AFF1: variants seen among roughly 807,000 people sequenced by gnomAD.
AFF1 encodes the protein AF4/FMR2 family member 1.
Under a neutral mutation model 121.7 loss-of-function variants are expected in AFF1, and 48 were observed. That is an observed-to-expected ratio of 0.39 (90% CI 0.31 to 0.50). The LOEUF is 0.50. Among genes scored for constraint, AFF1 ranks in the 20% least tolerant of loss-of-function variants. The pLI is 0.76. For synonymous variants in AFF1, 613 were observed against 563.0 expected (o/e 1.09, Z -1.26); for missense variants, 1,523 against 1,511.7 (o/e 1.01, Z -0.12).
intron 2 of AFF1, among the ~76,000 whole-genome samples, chr4:87,002,740 C>G (rs1725824487): frequency 6.6e-6 from 1 of 152,100 alleles, no homozygotes; most frequent in African/African-American, 2.4e-5. Flanking sequence ...GATTTTACTC[C>G]TTATTTGTAG....
chr4:87,075,246 T>A (rs1040308276), intron 4 of AFF1, among the ~76,000 whole-genome samples: 1 of 152,136 alleles, frequency 6.6e-6, no homozygotes, highest in African/African-American at 2.4e-5. Flanking sequence ...TTTAGCTTGT[T>A]TTTGCTTTAG....
At chr4:87,022,580 ATATCTATC>A (rs1194224274) in intron 2 of AFF1, among the ~76,000 whole-genome samples, 3 of 89,314 alleles carry the variant, frequency 3.4e-5, no homozygotes, top group African/African-American at 1.6e-4. Context: ...ATATATATAT[ATATCTATC>A]TATATCTATC....
intron 2 of AFF1, among the ~76,000 whole-genome samples, chr4:87,034,483 AT>A (rs1156851981): frequency 1.3e-5 from 2 of 152,168 alleles, no homozygotes; most frequent in African/African-American, 2.4e-5. Flanking sequence ...GCATGGAGAG[AT>A]TTGTTTATTG....
intron 4 of AFF1, among the ~76,000 whole-genome samples, chr4:87,067,218 C>T (rs1036872438): frequency 1.3e-5 from 2 of 152,118 alleles, no homozygotes; most frequent in South Asian, 2.1e-4. Flanking sequence ...ATAAAAATAA[C>T]ATCTGCATTT....
At chr4:87,007,282 A>T in intron 2 of AFF1, 23 of 1,560,016 alleles carry the variant, frequency 1.5e-5, no homozygotes, top group Non-Finnish European at 2.0e-5. Flanking sequence ...GTCCCGTAAC[A>T]TCGGGGCGCC....
intron 2 of AFF1, among the ~76,000 whole-genome samples, chr4:87,013,335 C>T (rs1006192283): frequency 4.6e-5 from 7 of 152,052 alleles, no homozygotes; most frequent in African/African-American, 1.2e-4. Context: ...CCACCCTGTC[C>T]GGCTGAACTG....
intron 2 of AFF1, among the ~76,000 whole-genome samples, chr4:87,022,778 A>G (rs1367275408): frequency 6.6e-6 from 1 of 150,786 alleles, no homozygotes; most frequent in Non-Finnish European, 1.5e-5. Context: ...GTGTGTATAT[A>G]TATACATATC....
intron 17 of AFF1, among the ~76,000 whole-genome samples, chr4:87,131,434 G>A (rs920309258): frequency 3.9e-5 from 6 of 152,214 alleles, no homozygotes; most frequent in African/African-American, 9.7e-5. Context: ...TGCTAAGTGC[G>A]CCAAGAAGTG....
At chr4:87,089,062 A>G (rs1034993323) in intron 5 of AFF1, among the ~76,000 whole-genome samples, 4 of 152,136 alleles carry the variant, frequency 2.6e-5, no homozygotes, top group Non-Finnish European at 5.9e-5. Context: ...GTATTAAGCC[A>G]GTTTGCCGGG....
intron 2 of AFF1, among the ~76,000 whole-genome samples, chr4:86,965,643 T>C (rs908566731): frequency 1.3e-5 from 2 of 152,248 alleles, no homozygotes; most frequent in African/African-American, 4.8e-5. Context: ...ATTATTAGGC[T>C]AATGGGCATT....
chr4:87,114,885 T>G lies in AFF1; in HGVS notation c.2052T>G (p.Pro684=). The G allele has an allele frequency of 6.2e-7, 1 of 1,613,274 alleles. No individual in the cohort carries two copies. Among genetic ancestry groups the G allele is most frequent in the Non-Finnish European group, 8.5e-7 (1 of 1,179,718 alleles). Residue 684 remains proline, a synonymous_variant, in exon 12 of 21, where the codon CCT becomes CCG. Transcript: ENST00000395146. ...SEKKKHKSSL[P]APSKALSGPE... ...AGAAGAAGCACAAGAGCTCCCTCCC[T>G]GCCCCCTCTAAGGCTCTCTCAGGCC...
intron 19 of AFF1, among the ~76,000 whole-genome samples, chr4:87,134,156 A>G (rs950708661): frequency 6.6e-6 from 1 of 152,242 alleles, no homozygotes; most frequent in Admixed American, 6.5e-5. Flanking sequence ...AGTGGATGAA[A>G]GGATGAAATA....
intron 2 of AFF1, among the ~76,000 whole-genome samples, chr4:87,020,062 CT>C (rs1727745087): frequency 1.3e-5 from 2 of 152,200 alleles, no homozygotes; most frequent in African/African-American, 4.8e-5. Flanking sequence ...AAAACAGCAC[CT>C]TTTTCTCAAG....
chr4:87,028,449 G>C (rs1403397531), intron 2 of AFF1, among the ~76,000 whole-genome samples: 1 of 152,068 alleles, frequency 6.6e-6, no homozygotes, highest in East Asian at 1.9e-4. Context: ...GTGTGTATCT[G>C]GGAAGATGAT....
intron 2 of AFF1, among the ~76,000 whole-genome samples, chr4:86,969,652 A>G (rs1578867417): frequency 6.6e-6 from 1 of 151,236 alleles, no homozygotes; most frequent in African/African-American, 2.4e-5. Flanking sequence ...AGGCCGAGGC[A>G]GGCGGATCAC....
intron 2 of AFF1, among the ~76,000 whole-genome samples, chr4:87,022,551 T>G (rs930686800): frequency 4.2e-5 from 2 of 47,968 alleles, no homozygotes; most frequent in African/African-American, 1.8e-4. Context: ...CAGATATATA[T>G]ATATATATAT....
At chr4:87,033,180 A>G (rs944696856) in intron 2 of AFF1, among the ~76,000 whole-genome samples, 3 of 152,214 alleles carry the variant, frequency 2.0e-5, no homozygotes, top group Admixed American at 6.5e-5. Context: ...CTTTAGAGAA[A>G]TAAATTGCAT....
At chr4:87,048,290 T>C (rs1268417511) in intron 4 of AFF1, among the ~76,000 whole-genome samples, 2 of 152,212 alleles carry the variant, frequency 1.3e-5, no homozygotes, top group Middle Eastern at 3.2e-3. Flanking sequence ...TTATGGGTTT[T>C]AAAAGTAACC....
chr4:87,012,224 T>TG (rs1726847050), intron 2 of AFF1, among the ~76,000 whole-genome samples: 1 of 128,464 alleles, frequency 7.8e-6, no homozygotes, highest in Admixed American at 8.2e-5. Flanking sequence ...TTTCTTGTTT[T>TG]TTTTTTTTTT....
Sources: allele counts gnomAD v4.1 joint callset (sites outside exome capture counted in the v4.1 genomes callset), GRCh38; gene constraint gnomAD v4.1.1; transcripts MANE v1.5; gene names NCBI Gene and HGNC (gene_info 2026-07-23, HGNC 2026-07-21).